The following RBFOX1 variants were observed in gnomAD, a reference collection of about 807,000 sequenced individuals.
RBFOX1 encodes the protein RNA binding fox-1 homolog 1.
Under a neutral mutation model 57.7 loss-of-function variants are expected in RBFOX1, and 8 were observed. The observed-to-expected ratio is 0.14, with a 90% CI of 0.08 to 0.25. The LOEUF is 0.25. Among genes scored for constraint, RBFOX1 ranks in the 10% least tolerant of loss-of-function variants. The pLI, the probability that RBFOX1 is intolerant of heterozygous loss-of-function variation, is 1.00. For synonymous variants in RBFOX1, 326 were observed against 222.4 expected, an observed-to-expected ratio of 1.47 and a Z score of -4.15; for missense variants, 611 against 548.5, an observed-to-expected ratio of 1.11 and a Z score of -1.14.
intron 3 of RBFOX1, chr16:6,723,774 G>C (rs949482451): frequency 6.6e-6 from 1 of 152,032 alleles, no homozygotes; most frequent in Non-Finnish European, 1.5e-5. Context: ...TGGTGATGAG[G>C]CTCCCCTAGA....
intron 3 of RBFOX1, among the ~76,000 whole-genome samples, chr16:6,981,833 G>T (rs559906755): frequency 3.3e-5 from 5 of 152,184 alleles, no homozygotes; most frequent in Non-Finnish European, 7.4e-5. Context: ...TGGGGACACA[G>T]CCAAGCCATA....
intron 2 of RBFOX1, among the ~76,000 whole-genome samples, chr16:5,519,530 C>T (rs1361154115): frequency 6.6e-6 from 1 of 152,128 alleles, no homozygotes; most frequent in Non-Finnish European, 1.5e-5. Context: ...TTGAGATCAG[C>T]CTGGGCAACC....
At chr16:6,654,705 T>C (rs926877354) in intron 3 of RBFOX1, 55 bp downstream of exon 3, 4 of 1,382,680 alleles carry the variant, frequency 2.9e-6, no homozygotes, top group East Asian at 2.6e-5. Context: ...ACTCTGTGAA[T>C]TGAACCCAGG....
At chr16:7,413,730 G>A (rs1317906862) in intron 4 of RBFOX1, among the ~76,000 whole-genome samples, 1 of 152,022 alleles carries the variant, frequency 6.6e-6, no homozygotes, top group Non-Finnish European at 1.5e-5. Context: ...CAAGCAAAGG[G>A]GGTTACTTGG....
At chr16:5,994,254 T>G (rs1202316927) in intron 4 of RBFOX1, among the ~76,000 whole-genome samples, 1 of 152,154 alleles carries the variant, frequency 6.6e-6, no homozygotes, top group Admixed American at 6.6e-5. Context: ...CTCTGCCTCC[T>G]GGGTTTAAGC....
In RBFOX1 at chr16:6,774,912, G is replaced by A. The variant is rs182012363; in HGVS notation, c.-16+120262G>A. 4.4e-4 allele frequency among the ~76,000 whole-genome samples: 67 copies of A among 152,122 alleles called. 2 individuals are homozygous for A. The highest frequency in any genetic ancestry group is 1.6e-3 in the African/African-American group (65 of 41,496). ...GTTAATATAAACTTAACCCCATTGA[G>A]TAGTGGCTACCATATTGGACAGTAT... On this transcript the variant is annotated intron_variant, in intron 3 of 15. Transcript: ENST00000550418.
chr16:5,700,078 C>T (rs139409124), intron 3 of RBFOX1, among the ~76,000 whole-genome samples: 1,778 of 152,224 alleles, frequency 0.012, 32 homozygotes, highest in African/African-American at 0.039. Flanking sequence ...ATGATCTGCC[C>T]GCCTTGGCCT....
chr16:6,702,411 T>C (rs1352561394), intron 3 of RBFOX1, among the ~76,000 whole-genome samples: 1 of 152,082 alleles, frequency 6.6e-6, no homozygotes, highest in African/African-American at 2.4e-5. Flanking sequence ...AAAATCTGCC[T>C]GGCGTGCTGG....
rs561175778 is a variant in RBFOX1 at position 7,631,509 on chromosome 16, T to A, written c.757+826T>A. Among the ~76,000 whole-genome samples the A allele has an allele frequency of 1.1e-4, 16 of 152,262 alleles. No homozygotes were observed. The South Asian group carries it at 3.1e-3, about 30-fold the overall frequency. On this transcript the variant is annotated intron_variant, in intron 11 of 15. Transcript: ENST00000550418. ...AGAGGGTATACCCCTTCTTAAAGAA[T>A]CTCCCAGCCACAGCTGAAACTTTAA...
At chr16:5,660,891 G>A (rs566645102) in intron 3 of RBFOX1, among the ~76,000 whole-genome samples, 1 of 152,300 alleles carries the variant, frequency 6.6e-6, no homozygotes, top group South Asian at 2.1e-4. Context: ...GCTGCTGCGT[G>A]TGCAAATTGA....
chr16:6,137,562 T>C (rs1197343560), intron 1 of RBFOX1, among the ~76,000 whole-genome samples: 1 of 149,970 alleles, frequency 6.7e-6, no homozygotes, highest in African/African-American at 2.4e-5. Context: ...CACCTCGGCC[T>C]CCCAAAGTGC....
intron 1 of RBFOX1, among the ~76,000 whole-genome samples, chr16:5,410,064 A>AAATAAT (rs1567466878): frequency 6.7e-6 from 1 of 148,436 alleles, no homozygotes. Context: ...AAAAAAAAAA[A>AAATAAT]AATAATAATC....
At chr16:6,367,329 G>T (rs953944685) in intron 2 of RBFOX1, among the ~76,000 whole-genome samples, 1 of 152,100 alleles carries the variant, frequency 6.6e-6, no homozygotes, top group African/African-American at 2.4e-5. Flanking sequence ...GGAGTGCAAT[G>T]GTGTGATCTT....
At chr16:6,650,087 T>A (rs2154082527) in intron 2 of RBFOX1, among the ~76,000 whole-genome samples, 1 of 152,256 alleles carries the variant, frequency 6.6e-6, no homozygotes, top group South Asian at 2.1e-4. Context: ...GAATATGCAG[T>A]AGTCGGATTG....
chr16:7,645,337 A>T (rs963096938), intron 11 of RBFOX1, among the ~76,000 whole-genome samples: 2 of 152,174 alleles, frequency 1.3e-5, no homozygotes, highest in African/African-American at 4.8e-5. Context: ...TGCCATGTCA[A>T]TTTGCTGCAA....
At chr16:6,520,683 A>G (rs981902309) in intron 2 of RBFOX1, among the ~76,000 whole-genome samples, 29 of 152,318 alleles carry the variant, frequency 1.9e-4, no homozygotes, top group African/African-American at 6.7e-4. Context: ...GCAGGGCCTC[A>G]GCAGCAGGAA....
chr16:7,474,021 G>A (rs957785760), intron 4 of RBFOX1, among the ~76,000 whole-genome samples: 2 of 152,054 alleles, frequency 1.3e-5, no homozygotes, highest in African/African-American at 2.4e-5. Flanking sequence ...GGGCATGGTG[G>A]CTCACGCCTG....
chr16:5,514,737 G>C lies in RBFOX1; in HGVS notation c.258+47483G>C, dbSNP rs560031610. Reference sequence around the variant, plus strand: ...AAGAGGAGGAGGAGCAGGAGGAGGAGGAGGGAAGGAGGAAGGGGAAGAGGG... The same window carrying C: ...AAGAGGAGGAGGAGCAGGAGGAGGACGAGGGAAGGAGGAAGGGGAAGAGGG... On this transcript the variant is annotated intron_variant, in intron 2 of 2. Coordinates refer to the RBFOX1 transcript ENST00000585867. Among the ~76,000 whole-genome samples, 7 of 152,246 alleles carry C rather than the reference G, an allele frequency of 4.6e-5. No homozygotes were observed. The South Asian group carries it at 1.5e-3, about 32-fold the overall frequency.
At chr16:7,442,565 C>T (rs1205239544) in intron 4 of RBFOX1, among the ~76,000 whole-genome samples, 1 of 152,106 alleles carries the variant, frequency 6.6e-6, no homozygotes, top group Admixed American at 6.5e-5. Context: ...GAGCTTGTCC[C>T]TAATGAGTTG....
Sources: allele counts gnomAD v4.1 joint callset (sites outside exome capture counted in the v4.1 genomes callset), GRCh38; gene constraint gnomAD v4.1.1; transcripts MANE v1.5; gene names NCBI Gene and HGNC (gene_info 2026-07-23, HGNC 2026-07-21).